Variants in MDGA2 observed in about 807,000 individuals in gnomAD.
The protein encoded by MDGA2 is MAM domain containing glycosylphosphatidylinositol anchor 2, also known as MAM domain-containing glycosylphosphatidylinositol anchor protein 2.
In MDGA2, 40 loss-of-function variants were observed where a neutral mutation model predicts 117.8. That is an observed-to-expected ratio of 0.34 (90% confidence interval 0.26 to 0.44). MDGA2 has a LOEUF of 0.44. Among genes scored for constraint, MDGA2 ranks in the 20% least tolerant of loss-of-function variants. The probability of loss-of-function intolerance (pLI) is 1.00; values close to 1 mark genes in which losing one functional copy is unlikely to be tolerated. For synonymous variants in MDGA2, 452 were observed against 439.0 expected, an observed-to-expected ratio of 1.03 and a Z score of -0.37; for missense variants, 1,123 against 1,250.6, an observed-to-expected ratio of 0.90 and a Z score of 1.54.
intron 1 of MDGA2, among the ~76,000 whole-genome samples, chr14:47,326,100 A>T (rs1213908747): frequency 6.6e-6 from 1 of 152,088 alleles, no homozygotes; most frequent in African/African-American, 2.4e-5. Context: ...TAACAGAAAA[A>T]CTTGAAGATC....
At chr14:47,176,900 C>T (rs900353716) in intron 3 of MDGA2, among the ~76,000 whole-genome samples, 11 of 152,276 alleles carry the variant, frequency 7.2e-5, no homozygotes, top group Non-Finnish European at 1.5e-4. Flanking sequence ...GCAACCTACT[C>T]ATCTGACAAA....
At chr14:47,313,674 A>G (rs910447532) in intron 1 of MDGA2, among the ~76,000 whole-genome samples, 8 of 152,200 alleles carry the variant, frequency 5.3e-5, no homozygotes, top group African/African-American at 1.2e-4. Context: ...AGAAATTTAC[A>G]TAATTCAATA....
At chr14:47,568,349 A>G (rs1240405992) in intron 1 of MDGA2, among the ~76,000 whole-genome samples, 1 of 152,240 alleles carries the variant, frequency 6.6e-6, no homozygotes. Context: ...CAAATATAAC[A>G]AAATGCAGTT....
chr14:47,366,317 T>C (rs1282507816), intron 1 of MDGA2, among the ~76,000 whole-genome samples: 2 of 151,706 alleles, frequency 1.3e-5, no homozygotes, highest in Non-Finnish European at 2.9e-5. Context: ...AATTTTAAAA[T>C]GTAAATCCCC....
At position 46,841,893 on chromosome 14, in the gene MDGA2, T is replaced by G; in HGVS notation, c.*38A>C. The G allele has an allele frequency of 7.3e-7, 1 of 1,364,128 alleles. No individual in the cohort carries two copies. The highest frequency in any genetic ancestry group is 1.0e-6 in the Non-Finnish European group (1 of 966,898). The allele number at this position is 1,364,128 out of a possible 1,614,324, so 84.5% of individuals were successfully genotyped here. ...TACAAAGACTCTTTCTTCATGCCAGTGCCTGGTGAATCTTTTATAGCCTCT... is the reference window on the plus strand; with the variant it reads ...TACAAAGACTCTTTCTTCATGCCAGGGCCTGGTGAATCTTTTATAGCCTCT... On this transcript the variant is annotated 3_prime_UTR_variant, in exon 17 of 17. Coordinates refer to ENST00000399232, the MANE Select transcript of MDGA2 (RefSeq NM_001113498.3).
intron 1 of MDGA2, among the ~76,000 whole-genome samples, chr14:47,642,437 A>G (rs1479950555): frequency 1.3e-5 from 2 of 152,060 alleles, no homozygotes; most frequent in African/African-American, 2.4e-5. Flanking sequence ...AATAACATAC[A>G]TCCATTGACC....
rs576521219 is a variant in MDGA2 at position 47,296,447 on chromosome 14, A to G, written c.420+4964T>C. Reference sequence around the variant, plus strand: ...GTAGTATATTTGTCGTCACAAGTCTACAAGAAGATAAGCAGCAAACTAGTA... The same window carrying G: ...GTAGTATATTTGTCGTCACAAGTCTGCAAGAAGATAAGCAGCAAACTAGTA... On this transcript the variant is annotated intron_variant, in intron 2 of 16. Coordinates refer to ENST00000399232, the MANE Select transcript of MDGA2 (RefSeq NM_001113498.3). 3.9e-5 allele frequency among the ~76,000 whole-genome samples: 6 copies of G among 152,298 alleles called. No individual in the cohort carries two copies. The East Asian group carries it at 5.8e-4, about 15-fold the overall frequency.
At chr14:47,046,641 G>A (rs1889277166) in intron 7 of MDGA2, among the ~76,000 whole-genome samples, 1 of 151,262 alleles carries the variant, frequency 6.6e-6, no homozygotes, top group African/African-American at 2.4e-5. Context: ...ATAAAATAAT[G>A]CAGAGTAAAT....
At chr14:47,424,973 G>T (rs1197426730) in intron 1 of MDGA2, among the ~76,000 whole-genome samples, 6 of 152,138 alleles carry the variant, frequency 3.9e-5, no homozygotes, top group Non-Finnish European at 8.8e-5. Flanking sequence ...GAGAAAGGTG[G>T]GGGATGATGA....
At chr14:47,277,546 G>C (rs1888346583) in intron 2 of MDGA2, among the ~76,000 whole-genome samples, 1 of 152,080 alleles carries the variant, frequency 6.6e-6, no homozygotes. Context: ...GGACAATATT[G>C]ACCAGAGAAG....
chr14:47,647,575 T>C (rs368499456), intron 1 of MDGA2, among the ~76,000 whole-genome samples: 1 of 152,170 alleles, frequency 6.6e-6, no homozygotes, highest in African/African-American at 2.4e-5. Flanking sequence ...CTGTATACAA[T>C]ACTGATCTCC....
In MDGA2 at chr14:47,315,339, A is replaced by G. The variant is rs576369616; in HGVS notation, c.281-13789T>C. Among the ~76,000 whole-genome samples the G allele has an allele frequency of 2.0e-5, 3 of 152,230 alleles. No individual in the cohort carries two copies. In the South Asian group the frequency reaches 6.2e-4, roughly 32 times the overall value. ...TAAATTTTGTTTCTGGCCTTCAGAA[A>G]GCTCACCCTCTTCTTTGCCCTACCA... is the stretch of plus-strand genomic sequence containing the variant. On this transcript the variant is annotated intron_variant, in intron 1 of 16. Coordinates refer to ENST00000399232, the MANE Select transcript of MDGA2 (RefSeq NM_001113498.3).
At chr14:47,348,897 G>C (rs1030916157) in intron 1 of MDGA2, among the ~76,000 whole-genome samples, 1 of 152,156 alleles carries the variant, frequency 6.6e-6, no homozygotes, top group Non-Finnish European at 1.5e-5. Flanking sequence ...CTCCCAAGAA[G>C]AAATGGAGAG....
chr14:47,043,585 T>C (rs916088576), intron 7 of MDGA2, among the ~76,000 whole-genome samples: 14 of 152,254 alleles, frequency 9.2e-5, no homozygotes, highest in South Asian at 4.1e-4. Context: ...ATTTCTCAAT[T>C]ACTATTTCTT....
chr14:47,402,028 C>T lies in MDGA2; in HGVS notation c.281-100478G>A, dbSNP rs554619974. ...TTTTGTGGTCAAAAGTTAGCACAAG[C>T]GTGTAGTTTATTGGTGTCTATCTTA... On this transcript the variant is annotated intron_variant, in intron 1 of 16. Transcript: ENST00000399232. 6.6e-5 allele frequency among the ~76,000 whole-genome samples: 10 copies of T among 152,168 alleles called. No individual in the cohort carries two copies. In the East Asian group the frequency reaches 1.4e-3, roughly 21 times the overall value.
rs532438933 is a variant in MDGA2 at position 47,066,099 on chromosome 14, C to T, written c.1196-4521G>A. ...TTGGAAATAGGTTACATCAGCAAAGCAACTTAAAAGATAGTAAACGATAGT... is the reference window on the plus strand; with the variant it reads ...TTGGAAATAGGTTACATCAGCAAAGTAACTTAAAAGATAGTAAACGATAGT... On this transcript the variant is annotated intron_variant, in intron 6 of 16. Coordinates refer to ENST00000399232, the MANE Select transcript of MDGA2 (RefSeq NM_001113498.3). 6.6e-5 allele frequency among the ~76,000 whole-genome samples: 10 copies of T among 152,230 alleles called. No individual in the cohort carries two copies. In the South Asian group the frequency reaches 2.1e-3, roughly 32 times the overall value.
At chr14:47,532,746 G>A (rs1408583717) in intron 1 of MDGA2, among the ~76,000 whole-genome samples, 2 of 152,058 alleles carry the variant, frequency 1.3e-5, no homozygotes, top group African/African-American at 2.4e-5. Flanking sequence ...AGTAACAGTA[G>A]AACTAATCCA....
chr14:47,328,223 C>T (rs1003965065), intron 1 of MDGA2, among the ~76,000 whole-genome samples: 1 of 152,048 alleles, frequency 6.6e-6, no homozygotes, highest in African/African-American at 2.4e-5. Context: ...TAAACTAAAT[C>T]ACTGGAAGAC....
At chr14:47,275,078 T>C (rs1003084813) in intron 2 of MDGA2, among the ~76,000 whole-genome samples, 1 of 152,202 alleles carries the variant, frequency 6.6e-6, no homozygotes, top group Non-Finnish European at 1.5e-5. Flanking sequence ...TTAGTACAAT[T>C]TATCTACTTT....
Sources: gnomAD v4.1 joint callset for allele counts (sites outside exome capture counted in the v4.1 genomes callset) on GRCh38, gnomAD v4.1.1 for gene constraint, MANE v1.5 for transcripts, NCBI Gene and HGNC (gene_info 2026-07-23, HGNC 2026-07-21) for gene names.